Variants in CDC73 observed in about 807,000 individuals in gnomAD.
CDC73 encodes the protein cell division cycle 73.
A neutral mutation model predicts 83.7 loss-of-function variants in CDC73; 21 were observed. That is an observed-to-expected ratio of 0.25 (90% CI 0.18 to 0.36). CDC73 has a LOEUF of 0.36. CDC73 is among the 10% of genes least tolerant of loss of function. CDC73 has a pLI of 1.00. For synonymous variants in CDC73, 224 were observed against 212.9 expected (o/e 1.05, Z -0.45); for missense variants, 342 against 653.3 (o/e 0.52, Z 5.19).
intron 8 of CDC73, among the ~76,000 whole-genome samples, chr1:193,149,244 G>C (rs1676063069): frequency 6.6e-6 from 1 of 152,108 alleles, no homozygotes; most frequent in Non-Finnish European, 1.5e-5. Flanking sequence ...CAGTTTCGTA[G>C]AAGACAGTTT....
intron 9 of CDC73, 62 bp from the exon 10 acceptor site, chr1:193,152,318 G>A (rs1676128131): frequency 9.8e-7 from 1 of 1,020,190 alleles, no homozygotes; most frequent in South Asian, 1.3e-5. Flanking sequence ...CTTTAGATTT[G>A]TTATAGGTCA....
At chr1:193,124,803 T>C (rs1311466786) in intron 1 of CDC73, among the ~76,000 whole-genome samples, 1 of 152,230 alleles carries the variant, frequency 6.6e-6, no homozygotes, top group Non-Finnish European at 1.5e-5. Flanking sequence ...TGGATCCTCT[T>C]CGATATGGAT....
At chr1:193,236,568 A>G (rs1677762704) in intron 15 of CDC73, among the ~76,000 whole-genome samples, 1 of 152,196 alleles carries the variant, frequency 6.6e-6, no homozygotes. Context: ...AATATTGCCT[A>G]TCCCACAACA....
intron 7 of CDC73, 130 bp from the exon 8 acceptor site, chr1:193,147,737 A>G: frequency 1.5e-6 from 1 of 684,026 alleles, no homozygotes; most frequent in Non-Finnish European, 2.7e-6. Flanking sequence ...ACATATGTGT[A>G]TAATAATGAT....
intron 8 of CDC73, among the ~76,000 whole-genome samples, chr1:193,148,356 A>T (rs1331185378): frequency 6.6e-6 from 1 of 152,100 alleles, no homozygotes. Context: ...ATCTTGGTGA[A>T]TGTATTTCTC....
intron 13 of CDC73, among the ~76,000 whole-genome samples, chr1:193,219,461 G>A (rs1677428003): frequency 1.3e-5 from 2 of 152,090 alleles, no homozygotes; most frequent in Non-Finnish European, 2.9e-5. Flanking sequence ...ATTGTGGCAC[G>A]TTTTACAATA....
intron 13 of CDC73, among the ~76,000 whole-genome samples, chr1:193,219,823 C>A (rs183447064): frequency 6.0e-4 from 92 of 152,236 alleles, no homozygotes; most frequent in Admixed American, 1.4e-3. Context: ...GTACACCATA[C>A]CCCAGTGACA....
At chr1:193,214,995 C>A (rs1677340179) in intron 13 of CDC73, among the ~76,000 whole-genome samples, 1 of 152,210 alleles carries the variant, frequency 6.6e-6, no homozygotes, top group Non-Finnish European at 1.5e-5. Flanking sequence ...CTTCTAGGAG[C>A]TCACATGAGA....
Position 193,251,476 on chromosome 1 carries a change from A to T in CDC73, c.*764A>T, listed in dbSNP as rs1399355487. 1 of 231,904 alleles carries T rather than the reference A, an allele frequency of 4.3e-6. No individual in the cohort carries two copies. Among genetic ancestry groups the T allele is most frequent in the Non-Finnish European group, 8.5e-6 (1 of 116,986 alleles). 14.4% of individuals were successfully genotyped at this position (231,904 alleles called of 1,614,324 possible). On this transcript the variant is annotated 3_prime_UTR_variant, in exon 17 of 17. Transcript: ENST00000367435. ...TGGGAGCCAGAGTATGATTTGGGGGAAGAATATGTATCAGCCCTATTGCAG... is the reference window on the plus strand; with the variant it reads ...TGGGAGCCAGAGTATGATTTGGGGGTAGAATATGTATCAGCCCTATTGCAG...
intron 10 of CDC73, among the ~76,000 whole-genome samples, chr1:193,194,297 A>G (rs1261537570): frequency 6.6e-6 from 1 of 152,166 alleles, no homozygotes; most frequent in Non-Finnish European, 1.5e-5. Context: ...TATTTTTCTC[A>G]CTTTATAGGT....
intron 13 of CDC73, among the ~76,000 whole-genome samples, chr1:193,222,364 G>A (rs370407491): frequency 4.3e-4 from 66 of 152,260 alleles, no homozygotes; most frequent in African/African-American, 1.5e-3. Flanking sequence ...AAAAGTCACC[G>A]GGAAAGAAAC....
intron 10 of CDC73, among the ~76,000 whole-genome samples, chr1:193,172,237 CTTT>C (rs36004862): frequency 1.9e-3 from 262 of 134,360 alleles, no homozygotes; most frequent in African/African-American, 6.8e-3. Flanking sequence ...TTTTTGGTAC[CTTT>C]TTTTTTTTTT....
chr1:193,129,487 A>AATTTATTTATTTATTTGTTT (rs1675651966), intron 2 of CDC73, among the ~76,000 whole-genome samples: 1 of 142,790 alleles, frequency 7.0e-6, no homozygotes. Context: ...TTCAAAAAGA[A>AATTTATTTATTTATTTGTTT]ATTTATTTAT....
intron 10 of CDC73, among the ~76,000 whole-genome samples, chr1:193,178,869 G>A (rs1676658695): frequency 6.6e-6 from 1 of 152,104 alleles, no homozygotes; most frequent in African/African-American, 2.4e-5. Context: ...AATAGAATAA[G>A]AGGTAAAAAT....
At chr1:193,243,915 A>G (rs1353492138) in intron 15 of CDC73, among the ~76,000 whole-genome samples, 1 of 152,200 alleles carries the variant, frequency 6.6e-6, no homozygotes, top group East Asian at 1.9e-4. Flanking sequence ...TTAACATCAA[A>G]AGCCAATATG....
chr1:193,199,440 G>A lies in CDC73; in HGVS notation c.973-4355G>A, dbSNP rs1296106154. On this transcript the variant is annotated intron_variant, in intron 10 of 16. Coordinates refer to ENST00000367435, the MANE Select transcript of CDC73 (RefSeq NM_024529.5). ...GTGTTTAGAAGTTCAGGCCGGGCAC[G>A]ATGGCTCATGCCTGTAATCCCAGCA... is the stretch of plus-strand genomic sequence containing the variant. Among the ~76,000 whole-genome samples the A allele has an allele frequency of 5.3e-5, 8 of 152,196 alleles. No homozygotes were observed. In the South Asian group the frequency reaches 1.0e-3, roughly 20 times the overall value.
intron 10 of CDC73, among the ~76,000 whole-genome samples, chr1:193,158,793 T>A (rs980401504): frequency 6.6e-6 from 1 of 152,162 alleles, no homozygotes; most frequent in Admixed American, 6.5e-5. Flanking sequence ...TATATATATG[T>A]AAAAACTGTT....
chr1:193,152,402 C>T lies in CDC73; in HGVS notation c.930C>T (p.Asp310=), dbSNP rs1223916188. The change falls in exon 10 of 17, where the codon GAC becomes GAT. Residue 310 remains aspartate (D), a synonymous_variant. Coordinates refer to ENST00000367435, the MANE Select transcript of CDC73 (RefSeq NM_024529.5). ...TAGAAACGGAAGGCTTCAAAATTGA[C>T]ACTATGGGAACCTACCATGGTATGA... ...GKEETEGFKI[D]TMGTYHGMTL... 1 of 1,611,140 alleles carries T rather than the reference C, an allele frequency of 6.2e-7. No homozygotes were observed.
intron 10 of CDC73, among the ~76,000 whole-genome samples, chr1:193,152,718 T>G (rs1024954668): frequency 1.3e-5 from 2 of 152,192 alleles, no homozygotes; most frequent in African/African-American, 4.8e-5. Flanking sequence ...TTTAAAGCCT[T>G]TAAGTTATGA....
Sources: gnomAD v4.1 joint callset for allele counts (sites outside exome capture counted in the v4.1 genomes callset) on GRCh38, gnomAD v4.1.1 for gene constraint, MANE v1.5 for transcripts, NCBI Gene and HGNC (gene_info 2026-07-23, HGNC 2026-07-21) for gene names.